STRN3: variants seen among roughly 807,000 people sequenced by gnomAD.
STRN3 encodes the protein striatin 3.
Under a neutral mutation model 95.6 loss-of-function variants are expected in STRN3, and 29 were observed. That is an observed-to-expected ratio of 0.30 (90% CI 0.23 to 0.41). STRN3 has a LOEUF of 0.41. Among genes scored for constraint, STRN3 ranks in the 10% least tolerant of loss-of-function variants. The pLI is 1.00. For missense variants in STRN3, 890 were observed against 972.1 expected, an observed-to-expected ratio of 0.92 and a Z score of 1.12; for synonymous variants, 331 against 357.6, an observed-to-expected ratio of 0.93 and a Z score of 0.84.
chr14:30,916,156 T>A (rs186162297), intron 9 of STRN3, among the ~76,000 whole-genome samples: 1 of 152,188 alleles, frequency 6.6e-6, no homozygotes, highest in Non-Finnish European at 1.5e-5. Context: ...TTTGCCCTTA[T>A]TTCCCTGCAG....
intron 1 of STRN3, among the ~76,000 whole-genome samples, chr14:30,975,968 A>G (rs1480471836): frequency 6.6e-6 from 1 of 152,206 alleles, no homozygotes; most frequent in Non-Finnish European, 1.5e-5. Flanking sequence ...ATGCAGTCAT[A>G]TAAAATTCTC....
At chr14:30,922,288 A>G (rs2139024899) in intron 8 of STRN3, among the ~76,000 whole-genome samples, 1 of 152,200 alleles carries the variant, frequency 6.6e-6, no homozygotes, top group Middle Eastern at 3.4e-3. Context: ...TAAGCATCCC[A>G]AAGTGCTAGG....
chr14:30,896,679 G>C (rs1372914266), intron 16 of STRN3, among the ~76,000 whole-genome samples: 1 of 152,034 alleles, frequency 6.6e-6, no homozygotes, highest in Non-Finnish European at 1.5e-5. Context: ...CAGAAAATAT[G>C]TTTCTACCTA....
intron 1 of STRN3, among the ~76,000 whole-genome samples, chr14:31,009,481 G>A (rs1037349483): frequency 2.3e-5 from 3 of 132,336 alleles, no homozygotes; most frequent in South Asian, 2.4e-4. Context: ...CTACCCCCCC[G>A]CCCCCGCGCC....
At chr14:31,021,792 A>G (rs1883519290) in intron 1 of STRN3, among the ~76,000 whole-genome samples, 1 of 152,218 alleles carries the variant, frequency 6.6e-6, no homozygotes, top group Non-Finnish European at 1.5e-5. Flanking sequence ...AACAGAAAAC[A>G]TAGTGTTCTA....
At chr14:30,913,732 G>A (rs934648984) in intron 9 of STRN3, 75 bp from the exon 10 acceptor site, 179 of 1,463,124 alleles carry the variant, frequency 1.2e-4, no homozygotes, top group Non-Finnish European at 1.4e-4. Flanking sequence ...GAAAATTTAA[G>A]CACTTAACAG....
Position 31,021,462 on chromosome 14 carries a change from T to C in STRN3, c.282+4442A>G, listed in dbSNP as rs74042109. ...TTAAATGAATACTGAATGAATTAAA[T>C]GAATACTGAAATACTGAAGCACTGA... On this transcript the variant is annotated intron_variant, in intron 1 of 17. Coordinates refer to ENST00000357479, the MANE Select transcript of STRN3 (RefSeq NM_001083893.2). 5.2e-3 allele frequency among the ~76,000 whole-genome samples: 785 copies of C among 152,282 alleles called. 3 individuals carry two copies. The highest frequency in any genetic ancestry group is 0.018 in the African/African-American group (728 of 41,562).
intron 1 of STRN3, among the ~76,000 whole-genome samples, chr14:30,967,818 CAGA>C (rs1442854089): frequency 6.6e-6 from 1 of 152,162 alleles, no homozygotes; most frequent in Non-Finnish European, 1.5e-5. Flanking sequence ...TCCCTTAACC[CAGA>C]AGGTTTCCTA....
At chr14:30,959,275 T>C (rs1290075229) in intron 1 of STRN3, among the ~76,000 whole-genome samples, 3 of 152,062 alleles carry the variant, frequency 2.0e-5, no homozygotes, top group Non-Finnish European at 4.4e-5. Context: ...CAGTGAGCCA[T>C]GATTGCCACT....
chr14:31,002,768 T>A (rs1160976927), intron 1 of STRN3, among the ~76,000 whole-genome samples: 1 of 152,116 alleles, frequency 6.6e-6, no homozygotes, highest in African/African-American at 2.4e-5. Flanking sequence ...TCCACTTATG[T>A]AAGGTACCTA....
At chr14:30,991,754 A>G (rs920576841) in intron 1 of STRN3, among the ~76,000 whole-genome samples, 9 of 152,076 alleles carry the variant, frequency 5.9e-5, no homozygotes, top group South Asian at 2.1e-4. Flanking sequence ...GAAGAGACGG[A>G]ACATAAAACC....
intron 7 of STRN3, among the ~76,000 whole-genome samples, chr14:30,933,078 T>C (rs1878620002): frequency 6.6e-6 from 1 of 151,008 alleles, no homozygotes; most frequent in African/African-American, 2.4e-5. Flanking sequence ...AGTTCAAGAC[T>C]AGCCTGAGCA....
intron 9 of STRN3, among the ~76,000 whole-genome samples, chr14:30,918,376 G>C (rs752532696): frequency 1.3e-5 from 2 of 151,968 alleles, no homozygotes; most frequent in Non-Finnish European, 2.9e-5. Flanking sequence ...GGGAATGGTG[G>C]TGTGCGCCTA....
intron 4 of STRN3, among the ~76,000 whole-genome samples, chr14:30,948,944 T>C (rs997312694): frequency 2.6e-5 from 4 of 152,198 alleles, no homozygotes; most frequent in Non-Finnish European, 5.9e-5. Flanking sequence ...CAAGATCTCA[T>C]ACAACCCAGG....
chr14:30,979,476 T>C (rs1378992623), intron 1 of STRN3, among the ~76,000 whole-genome samples: 14 of 152,340 alleles, frequency 9.2e-5, no homozygotes, highest in Non-Finnish European at 1.5e-5. Context: ...TTTTATAAAC[T>C]TGTTTCCATA....
intron 1 of STRN3, among the ~76,000 whole-genome samples, chr14:30,958,628 A>G (rs1043422966): frequency 6.6e-6 from 1 of 152,246 alleles, no homozygotes; most frequent in East Asian, 1.9e-4. Context: ...TTCAGATCTA[A>G]TAAGTGTTCT....
chr14:30,980,410 T>C (rs1224298006), intron 1 of STRN3, among the ~76,000 whole-genome samples: 4 of 152,280 alleles, frequency 2.6e-5, no homozygotes, highest in Non-Finnish European at 4.4e-5. Flanking sequence ...TTCTTTTTTT[T>C]TCTTTTTTTT....
At chr14:30,952,823 T>C (rs1236725083) in intron 3 of STRN3, among the ~76,000 whole-genome samples, 1 of 152,196 alleles carries the variant, frequency 6.6e-6, no homozygotes, top group Non-Finnish European at 1.5e-5. Context: ...ATTTTAAAAT[T>C]ACATATAACA....
chr14:30,934,169 C>G (rs1878701054), intron 7 of STRN3, among the ~76,000 whole-genome samples: 1 of 152,094 alleles, frequency 6.6e-6, no homozygotes, highest in African/African-American at 2.4e-5. Context: ...ACTAAAAATA[C>G]AAAGAGTAGC....
Sources: allele counts gnomAD v4.1 joint callset (sites outside exome capture counted in the v4.1 genomes callset), GRCh38; gene constraint gnomAD v4.1.1; transcripts MANE v1.5; gene names NCBI Gene and HGNC (gene_info 2026-07-23, HGNC 2026-07-21).